Variants in BMPR1B observed in about 807,000 individuals in gnomAD.
BMPR1B encodes the protein bone morphogenetic protein receptor type-1B.
BMPR1B carries 12 observed loss-of-function variants against 59.1 expected under a neutral mutation model. The ratio of observed to expected loss-of-function variants is 0.20; its 90% CI spans 0.13 to 0.33. BMPR1B has a LOEUF of 0.33. Ranked by LOEUF, BMPR1B falls within the 10% of genes least tolerant of loss-of-function variation. The probability of loss-of-function intolerance (pLI) is 1.00; values close to 1 mark genes in which losing one functional copy is unlikely to be tolerated. For missense variants in BMPR1B, 550 were observed against 610.9 expected (o/e 0.90, Z 1.05); for synonymous variants, 237 against 207.3 (o/e 1.14, Z -1.23).
intron 3 of BMPR1B, among the ~76,000 whole-genome samples, chr4:95,088,433 T>C (rs1411406770): frequency 1.3e-5 from 2 of 152,084 alleles, no homozygotes; most frequent in East Asian, 3.9e-4. Flanking sequence ...AGAAGAGAAA[T>C]ATGTCCTTAT....
At chr4:94,884,345 G>A (rs1183271773) in intron 2 of BMPR1B, among the ~76,000 whole-genome samples, 2 of 152,134 alleles carry the variant, frequency 1.3e-5, no homozygotes, top group African/African-American at 4.8e-5. Context: ...GGCCAACATG[G>A]TGAAACCCCA....
At position 95,119,933 on chromosome 4, in the gene BMPR1B, T is replaced by TA. The variant is rs1283340788; in HGVS notation, c.350-3876dup. ...TTAAATTTCAGATTTCATTTGTACT[T>TA]ACAAGGGGTACATGTGGAGACTGTT... is the stretch of plus-strand genomic sequence containing the variant. On this transcript the variant is annotated intron_variant, in intron 6 of 12. Transcript: ENST00000515059. Among the ~76,000 whole-genome samples the TA allele has an allele frequency of 3.9e-5, 6 of 152,278 alleles. No homozygotes were observed. The South Asian group carries it at 1.2e-3, about 32-fold the overall frequency.
chr4:94,798,132 A>G (rs1723265314), intron 1 of BMPR1B, among the ~76,000 whole-genome samples: 1 of 152,238 alleles, frequency 6.6e-6, no homozygotes, highest in Non-Finnish European at 1.5e-5. Flanking sequence ...CTAGGATCAA[A>G]TTTAATGAGT....
At chr4:95,028,162 T>C (rs1329833339) in intron 3 of BMPR1B, among the ~76,000 whole-genome samples, 1 of 152,148 alleles carries the variant, frequency 6.6e-6, no homozygotes, top group Non-Finnish European at 1.5e-5. Context: ...TTTTGCTAAT[T>C]GGCATCTCCC....
At chr4:94,865,799 G>C (rs1421411627) in intron 1 of BMPR1B, among the ~76,000 whole-genome samples, 2 of 152,040 alleles carry the variant, frequency 1.3e-5, no homozygotes, top group Non-Finnish European at 2.9e-5. Flanking sequence ...TAAGAGGAAA[G>C]AACAACAACA....
chr4:94,942,096 T>C (rs537545242), intron 2 of BMPR1B, among the ~76,000 whole-genome samples: 27 of 152,326 alleles, frequency 1.8e-4, no homozygotes, highest in South Asian at 6.2e-4. Context: ...AGGTCTCAGA[T>C]TGTTTTGCAT....
chr4:94,997,813 T>C (rs1368039288), intron 3 of BMPR1B, among the ~76,000 whole-genome samples: 1 of 152,194 alleles, frequency 6.6e-6, no homozygotes, highest in African/African-American at 2.4e-5. Flanking sequence ...TATCTCATGA[T>C]CAAGATTGTA....
intron 2 of BMPR1B, among the ~76,000 whole-genome samples, chr4:94,900,711 T>C (rs1373771411): frequency 6.6e-6 from 1 of 152,010 alleles, no homozygotes; most frequent in Non-Finnish European, 1.5e-5. Flanking sequence ...AGTAAGCAAT[T>C]TGATTACTTT....
intron 6 of BMPR1B, among the ~76,000 whole-genome samples, chr4:95,117,067 C>T (rs946946886): frequency 6.6e-6 from 1 of 152,134 alleles, no homozygotes; most frequent in Non-Finnish European, 1.5e-5. Context: ...GAGTGAGTGG[C>T]TGGCTCTACC....
Position 94,821,585 on chromosome 4 carries a change from A to G in BMPR1B, c.-182-54246A>G, listed in dbSNP as rs145581256. Among the ~76,000 whole-genome samples the G allele has an allele frequency of 1.1e-3, 171 of 152,320 alleles. 2 individuals are homozygous for G. The East Asian group carries it at 0.032, about 29-fold the overall frequency. On this transcript the variant is annotated intron_variant, in intron 1 of 12. Transcript: ENST00000515059. ...CTTAAACCAATCAATTAAGAGTTCA[A>G]TAAAACAGCAGTACACATAAAACAT... is the stretch of plus-strand genomic sequence containing the variant.
At chr4:94,851,526 A>G (rs1725565115) in intron 1 of BMPR1B, among the ~76,000 whole-genome samples, 1 of 152,090 alleles carries the variant, frequency 6.6e-6, no homozygotes. Flanking sequence ...TAGCATTAGA[A>G]CATGTTTTTA....
At chr4:94,864,662 G>T (rs1305959440) in intron 1 of BMPR1B, among the ~76,000 whole-genome samples, 1 of 152,110 alleles carries the variant, frequency 6.6e-6, no homozygotes, top group African/African-American at 2.4e-5. Flanking sequence ...GGTGATATGA[G>T]GTCATTGCAG....
intron 6 of BMPR1B, among the ~76,000 whole-genome samples, chr4:95,116,574 A>G (rs1732080930): frequency 6.6e-6 from 1 of 151,816 alleles, no homozygotes; most frequent in South Asian, 2.1e-4. Context: ...TTCCAACAAA[A>G]CATAATGGAA....
intron 2 of BMPR1B, among the ~76,000 whole-genome samples, chr4:94,982,986 A>G (rs1201340468): frequency 1.4e-5 from 2 of 139,526 alleles, no homozygotes; most frequent in South Asian, 2.2e-4. Context: ...CTCCATCTCA[A>G]AAAAGAAAAA....
chr4:95,091,529 G>T lies in BMPR1B; in HGVS notation c.-17-12879G>T, dbSNP rs973954455. The T allele has an allele frequency of 1.1e-5, 11 of 985,112 alleles. No individual in the cohort carries two copies. In the African/African-American group the frequency reaches 1.9e-4, roughly 17 times the overall value. 61.0% of individuals were successfully genotyped at this position (985,112 alleles called of 1,614,324 possible). A position where few individuals can be genotyped will look rare whatever the true frequency, so the allele number is the denominator to read the frequency against. On this transcript the variant is annotated intron_variant, in intron 3 of 12. Transcript: ENST00000515059. ...AGGATTAGTGCTGCCTACGGTGCTG[G>T]GCTTTTTAGTGGAAACCCCTAGCAA... is the stretch of plus-strand genomic sequence containing the variant.
At chr4:95,032,737 G>T (rs1724966912) in intron 3 of BMPR1B, among the ~76,000 whole-genome samples, 1 of 152,128 alleles carries the variant, frequency 6.6e-6, no homozygotes, top group African/African-American at 2.4e-5. Context: ...TTCTGTTGTA[G>T]TGTAGACCAC....
intron 2 of BMPR1B, among the ~76,000 whole-genome samples, chr4:94,902,524 TTTTC>T (rs1161353195): frequency 6.6e-6 from 1 of 151,942 alleles, no homozygotes; most frequent in East Asian, 1.9e-4. Flanking sequence ...ATCTAGAACA[TTTTC>T]TTTCTGACAA....
intron 3 of BMPR1B, among the ~76,000 whole-genome samples, chr4:95,003,784 A>AC (rs1722620372): frequency 2.8e-5 from 4 of 144,152 alleles, no homozygotes; most frequent in African/African-American, 1.0e-4. Flanking sequence ...TTAAACTTGG[A>AC]TATGACCAAA....
intron 2 of BMPR1B, among the ~76,000 whole-genome samples, chr4:94,891,984 C>T (rs953737294): frequency 1.3e-5 from 2 of 151,968 alleles, no homozygotes; most frequent in Non-Finnish European, 2.9e-5. Context: ...AAATTGAGTC[C>T]CTCTGACATA....
Sources: gnomAD v4.1 joint callset for allele counts (sites outside exome capture counted in the v4.1 genomes callset) on GRCh38, gnomAD v4.1.1 for gene constraint, MANE v1.5 for transcripts, NCBI Gene and HGNC (gene_info 2026-07-23, HGNC 2026-07-21) for gene names.